The following CIT variants were observed in gnomAD, a reference collection of about 807,000 sequenced individuals.
The protein encoded by CIT is citron rho-interacting serine/threonine kinase, also known as citron Rho-interacting kinase.
Under a neutral mutation model 272.7 loss-of-function variants are expected in CIT, and 79 were observed. That is an observed-to-expected ratio of 0.29 (90% CI 0.24 to 0.35). The LOEUF (loss-of-function observed/expected upper bound fraction) is 0.35. CIT is among the 10% of genes least tolerant of loss of function. The pLI is 1.00. For missense variants in CIT, 1,909 were observed against 2,618.3 expected (o/e 0.73, Z 5.91); for synonymous variants, 948 against 995.6 (o/e 0.95, Z 0.90).
At chr12:119,834,620 C>A (rs966085805) in intron 5 of CIT, among the ~76,000 whole-genome samples, 3 of 152,192 alleles carry the variant, frequency 2.0e-5, no homozygotes, top group Non-Finnish European at 4.4e-5. Flanking sequence ...CAGCACCCAG[C>A]AGAATACAGA....
intron 3 of CIT, among the ~76,000 whole-genome samples, chr12:119,866,016 G>A (rs181000179): frequency 2.2e-4 from 34 of 151,910 alleles, no homozygotes; most frequent in Non-Finnish European, 4.0e-4. Flanking sequence ...GCATAACCAC[G>A]CATCCCCCAT....
rs1002039593 is a variant in CIT, at chr12:119,759,217, T to G, written c.2422-517A>C. 7.9e-5 allele frequency among the ~76,000 whole-genome samples: 12 copies of G among 152,246 alleles called. 1 individual carries two copies. The highest frequency in any genetic ancestry group is 7.8e-4 in the Admixed American group (12 of 15,292). On this transcript the variant is annotated intron_variant, in intron 20 of 47. Coordinates refer to ENST00000392521, the MANE Select transcript of CIT (RefSeq NM_001206999.2). ...ATGAACCAGGCCGCACAGCAGGAGG[T>G]GAGCGGCCAGCGAGCGAGCATTACT... is the stretch of plus-strand genomic sequence containing the variant.
intron 21 of CIT, 41 bp from the exon 22 acceptor site, chr12:119,757,586 T>C (rs1294559437): frequency 6.2e-7 from 1 of 1,611,762 alleles, no homozygotes. Context: ...AATCACAGTC[T>C]CATTAGGGTT....
intron 19 of CIT, among the ~76,000 whole-genome samples, chr12:119,765,055 C>T (rs1338238542): frequency 3.9e-5 from 6 of 152,200 alleles, no homozygotes; most frequent in Admixed American, 2.6e-4. Context: ...GTGATCCACC[C>T]GCCTCTGCCA....
intron 7 of CIT, among the ~76,000 whole-genome samples, chr12:119,827,006 A>G (rs1968223432): frequency 6.6e-6 from 1 of 152,034 alleles, no homozygotes; most frequent in African/African-American, 2.4e-5. Context: ...AAACAGACCT[A>G]TTCTTCCCTC....
intron 9 of CIT, among the ~76,000 whole-genome samples, chr12:119,808,480 G>T (rs757915848): frequency 4.6e-5 from 7 of 151,808 alleles, no homozygotes; most frequent in African/African-American, 7.3e-5. Flanking sequence ...CCCAGGAAAT[G>T]ATATGCTTCA....
At chr12:119,780,415 G>A (rs572951425) in intron 13 of CIT, among the ~76,000 whole-genome samples, 4 of 152,224 alleles carry the variant, frequency 2.6e-5, no homozygotes, top group East Asian at 3.9e-4. Flanking sequence ...TCAGGAGTTC[G>A]AGACCAGCCT....
intron 24 of CIT, among the ~76,000 whole-genome samples, chr12:119,735,711 A>G (rs925055265): frequency 6.6e-6 from 1 of 152,236 alleles, no homozygotes; most frequent in African/African-American, 2.4e-5. Flanking sequence ...ATAGACTGGT[A>G]TCACCATCCA....
chr12:119,872,858 G>A (rs1460187657), intron 2 of CIT, among the ~76,000 whole-genome samples: 5 of 152,074 alleles, frequency 3.3e-5, no homozygotes, highest in South Asian at 2.1e-4. Context: ...GTGCAGTGTT[G>A]CAATCTCAAC....
chr12:119,718,711 C>A lies in CIT; in HGVS notation c.3991G>T (p.Ala1331Ser). ...AGTGAGCCCCTACCTTCCTCCCGGG[C>A]GGACCGGAGCTCGATGCGGGTCTTC... ...LQKTRIELRS[A>S]REEAAHRKAT... is the part of the protein sequence containing the mutation. The change falls in exon 31 of 48, where the codon GCC (alanine) becomes TCC (serine). Residue 1331 changes from alanine (A) to serine (S), a missense_variant. By Grantham distance (99) the Ala-to-Ser change is moderately conservative. Coordinates refer to ENST00000392521, the MANE Select transcript of CIT (RefSeq NM_001206999.2). This position sits in a 1 kb window ranked among gnomAD's most constrained non-coding sequence, Gnocchi z 4.8. 1 of 1,613,334 alleles carries A rather than the reference C, an allele frequency of 6.2e-7. No homozygotes were observed. Among genetic ancestry groups the A allele is most frequent in the Non-Finnish European group, 8.5e-7 (1 of 1,180,030 alleles).
At chr12:119,857,221 G>A (rs939852952) in intron 4 of CIT, among the ~76,000 whole-genome samples, 3 of 152,176 alleles carry the variant, frequency 2.0e-5, no homozygotes, top group Non-Finnish European at 4.4e-5. Context: ...TGAGTCCTCA[G>A]CTAATGGTCA....
chr12:119,773,688 A>C (rs769547990), intron 16 of CIT, among the ~76,000 whole-genome samples: 1 of 152,220 alleles, frequency 6.6e-6, no homozygotes, highest in Non-Finnish European at 1.5e-5. Flanking sequence ...TCAGCCTCCC[A>C]AAGTGCTGGG....
intron 46 of CIT, among the ~76,000 whole-genome samples, chr12:119,691,111 G>T (rs1340521602): frequency 3.4e-5 from 5 of 145,900 alleles, no homozygotes; most frequent in Non-Finnish European, 7.4e-5. Flanking sequence ...GGCGGAGGTT[G>T]CAGTGAGCCA....
intron 10 of CIT, among the ~76,000 whole-genome samples, chr12:119,795,955 G>T (rs2137814693): frequency 6.6e-6 from 1 of 152,342 alleles, no homozygotes; most frequent in East Asian, 1.9e-4. Context: ...ATAATCCCTG[G>T]CCATTTTAGT....
intron 7 of CIT, among the ~76,000 whole-genome samples, 197 bp downstream of exon 7, chr12:119,832,574 G>C (rs1288590552): frequency 6.6e-6 from 1 of 152,120 alleles, no homozygotes; most frequent in Non-Finnish European, 1.5e-5. Flanking sequence ...AAATGTCTTG[G>C]AGGGTATTAA....
At chr12:119,765,393 A>T (rs919644853) in intron 19 of CIT, among the ~76,000 whole-genome samples, 20 of 145,638 alleles carry the variant, frequency 1.4e-4, no homozygotes, top group African/African-American at 4.8e-4. Flanking sequence ...ATATATTATA[A>T]TATATATTAT....
At position 119,714,346 on chromosome 12, in the gene CIT, T is replaced by C. The variant is rs1238338031; in HGVS notation, c.4169-12A>G. 3 of 1,613,420 alleles carry C rather than the reference T, an allele frequency of 1.9e-6. No homozygotes were observed. The East Asian group carries it at 6.7e-5, about 36-fold the overall frequency. ...ACGCCGACTAAATTCTGGAGGAAAATGTTTTAAAAAATCATTAGAGTACTG... is the reference window on the plus strand; with the variant it reads ...ACGCCGACTAAATTCTGGAGGAAAACGTTTTAAAAAATCATTAGAGTACTG... On this transcript the variant is annotated splice_polypyrimidine_tract_variant and intron_variant, in intron 32 of 47. Transcript: ENST00000392521.
chr12:119,869,716 C>G (rs193191843), intron 2 of CIT, among the ~76,000 whole-genome samples: 3 of 152,254 alleles, frequency 2.0e-5, no homozygotes, highest in East Asian at 3.9e-4. Context: ...CAGACTGTCT[C>G]TAGCCCACAG....
At chr12:119,729,631 T>A (rs1280772164) in intron 27 of CIT, among the ~76,000 whole-genome samples, 1 of 152,196 alleles carries the variant, frequency 6.6e-6, no homozygotes, top group Non-Finnish European at 1.5e-5. Flanking sequence ...TGTGTATGCA[T>A]AAACATAAGC....
Sources: gnomAD v4.1 joint callset for allele counts (sites outside exome capture counted in the v4.1 genomes callset) on GRCh38, gnomAD v4.1.1 for gene constraint, Gnocchi (gnomAD v3.1) non-coding constraint, MANE v1.5 for transcripts, NCBI Gene and HGNC (gene_info 2026-07-23, HGNC 2026-07-21) for gene names.